Variants in SHROOM3 observed in about 807,000 individuals in gnomAD.
SHROOM3 encodes protein Shroom3.
A neutral mutation model predicts 138.6 loss-of-function variants in SHROOM3; 47 were observed. The ratio of observed to expected loss-of-function variants is 0.34; its 90% CI spans 0.27 to 0.43. SHROOM3 has a LOEUF of 0.43. SHROOM3 is among the 20% of genes least tolerant of loss of function. The pLI is 1.00. For missense variants in SHROOM3, 2,491 were observed against 2,596.5 expected (o/e 0.96, Z 0.88); for synonymous variants, 1,062 against 1,063.3 (o/e 1.00, Z 0.02).
At chr4:76,752,743 T>G (rs1423500314) in intron 6 of SHROOM3, among the ~76,000 whole-genome samples, 2 of 152,208 alleles carry the variant, frequency 1.3e-5, no homozygotes, top group African/African-American at 2.4e-5. Flanking sequence ...TAGTATAGTT[T>G]GTGTAAACTA....
chr4:76,463,945 C>G (rs1301785555), intron 1 of SHROOM3, among the ~76,000 whole-genome samples: 1 of 152,242 alleles, frequency 6.6e-6, no homozygotes, highest in East Asian at 1.9e-4. Flanking sequence ...GGGCGGAGCC[C>G]TTATGGAGAA....
intron 1 of SHROOM3, among the ~76,000 whole-genome samples, chr4:76,475,921 TC>T (rs1731476310): frequency 6.6e-6 from 1 of 152,206 alleles, no homozygotes; most frequent in South Asian, 2.1e-4. Context: ...TGTAATTAAT[TC>T]TCCTAGTGTT....
chr4:76,446,382 G>C (rs1730805819), intron 1 of SHROOM3, among the ~76,000 whole-genome samples: 1 of 151,278 alleles, frequency 6.6e-6, no homozygotes, highest in Non-Finnish European at 1.5e-5. Flanking sequence ...AGTCAACTTG[G>C]TGGCATCCTT....
chr4:76,585,186 C>G (rs1357005587), intron 2 of SHROOM3, among the ~76,000 whole-genome samples: 1 of 152,160 alleles, frequency 6.6e-6, no homozygotes, highest in East Asian at 1.9e-4. Flanking sequence ...ACTGTGAATT[C>G]AGAATTCTGT....
At chr4:76,642,539 C>T (rs1019029429) in intron 2 of SHROOM3, among the ~76,000 whole-genome samples, 1 of 152,122 alleles carries the variant, frequency 6.6e-6, no homozygotes. Flanking sequence ...TAGGAATGCT[C>T]TTGTGGTTCT....
chr4:76,482,384 A>G (rs1579184567), intron 1 of SHROOM3, among the ~76,000 whole-genome samples: 1 of 152,222 alleles, frequency 6.6e-6, no homozygotes, highest in East Asian at 1.9e-4. Flanking sequence ...GAGCCAAATC[A>G]TGAGCCAAAT....
Position 76,755,118 on chromosome 4 carries a change from C to A in SHROOM3, c.4635C>A (p.Asp1545Glu). ...AAACCCCGGTGTATAGCATGGATGA[C>A]TTCCCTCCACCTCCTCCCCACACTG... ...SQETPVYSMD[D>E]FPPPPPHTVC... The change falls in exon 7 of 11, where the codon GAC (aspartate) becomes GAA (glutamate). Residue 1545 changes from aspartate (D) to glutamate (E), a missense_variant. By Grantham distance (45) the Asp-to-Glu change is conservative. Transcript: ENST00000296043. 1 of 1,605,964 alleles carries A rather than the reference C, an allele frequency of 6.2e-7. No homozygotes were observed. Among genetic ancestry groups the A allele is most frequent in the Non-Finnish European group, 8.5e-7 (1 of 1,175,602 alleles).
At chr4:76,758,829 T>C (rs1721901900) in intron 8 of SHROOM3, among the ~76,000 whole-genome samples, 2 of 152,140 alleles carry the variant, frequency 1.3e-5, no homozygotes, top group South Asian at 2.1e-4. Context: ...CATAGAGTCA[T>C]TTATTCAGTG....
At chr4:76,516,492 A>G (rs1372010790) in intron 1 of SHROOM3, among the ~76,000 whole-genome samples, 1 of 151,874 alleles carries the variant, frequency 6.6e-6, no homozygotes, top group Non-Finnish European at 1.5e-5. Flanking sequence ...CTAAGCCCCT[A>G]CTCAGGAGCC....
At chr4:76,474,932 A>G (rs1731453458) in intron 1 of SHROOM3, among the ~76,000 whole-genome samples, 1 of 152,048 alleles carries the variant, frequency 6.6e-6, no homozygotes, top group African/African-American at 2.4e-5. Flanking sequence ...GGCTCAAAAA[A>G]AAAAAAATTT....
rs1734146543 is a variant in SHROOM3, at chr4:76,586,096, G to GGTT, written c.323+30335_323+30336insTGT. The GGTT allele has an allele frequency of 1.1e-5, 3 of 264,112 alleles. No individual in the cohort carries two copies. In the Admixed American group the frequency reaches 1.9e-4, roughly 17 times the overall value. 16.4% of individuals were successfully genotyped at this position (264,112 alleles called of 1,614,324 possible). ...CACGCCGGAGTCGGCGTGCCAGCGC[G>GGTT]GTGGAAACCGGTTCTCAGGTTCTGG... is the stretch of plus-strand genomic sequence containing the variant. On this transcript the variant is annotated intron_variant, in intron 2 of 10. Transcript: ENST00000296043.
chr4:76,739,413 C>A lies in SHROOM3; in HGVS notation c.1240C>A (p.Arg414=), dbSNP rs148120221. ...TAGCCTTGATCAGAAACGGCTCTGC[C>A]GGCCTCAGGCAAACTCTTTAGGCTC... is the stretch of plus-strand genomic sequence containing the variant. ...WSSLDQKRLC[R]PQANSLGSLK... The change falls in exon 5 of 11, where the codon CGG becomes AGG. Residue 414 remains arginine, a synonymous_variant. Coordinates refer to ENST00000296043, the MANE Select transcript of SHROOM3 (RefSeq NM_020859.4). 2 of 1,613,982 alleles carry A rather than the reference C, an allele frequency of 1.2e-6. No homozygotes were observed. Among genetic ancestry groups the A allele is most frequent in the Admixed American group, 1.7e-5 (1 of 60,012 alleles).
At chr4:76,450,026 T>C (rs768127310) in intron 1 of SHROOM3, among the ~76,000 whole-genome samples, 7 of 152,156 alleles carry the variant, frequency 4.6e-5, no homozygotes, top group Admixed American at 6.6e-5. Context: ...TATTTCATCA[T>C]AATGAGGGAG....
At chr4:76,631,375 T>C (rs545494215) in intron 2 of SHROOM3, among the ~76,000 whole-genome samples, 2 of 151,920 alleles carry the variant, frequency 1.3e-5, no homozygotes, top group African/African-American at 4.8e-5. Flanking sequence ...GCCCAGCTAA[T>C]TTTTTGTATT....
intron 2 of SHROOM3, among the ~76,000 whole-genome samples, chr4:76,616,591 T>C (rs1734885046): frequency 6.6e-6 from 1 of 152,174 alleles, no homozygotes; most frequent in South Asian, 2.1e-4. Context: ...AGACAAATAC[T>C]ATCTGATTCC....
Position 76,754,944 on chromosome 4 carries a change from C to G in SHROOM3, c.4461C>G (p.Leu1487=). 1 of 1,614,222 alleles carries G rather than the reference C, an allele frequency of 6.2e-7. No homozygotes were observed. The highest frequency in any genetic ancestry group is 8.5e-7 in the Non-Finnish European group (1 of 1,180,026). ...CGAGCACTCCAGGGAGGATCTCCCT[C>G]CGAATATCTGAGTCTGTCCTGCGGG... ...GAPSTPGRIS[L]RISESVLRDS... Residue 1487 remains leucine, a synonymous_variant, in exon 7 of 11, where the codon CTC becomes CTG. Transcript: ENST00000296043.
At chr4:76,640,575 T>C (rs1167110884) in intron 2 of SHROOM3, among the ~76,000 whole-genome samples, 2 of 152,234 alleles carry the variant, frequency 1.3e-5, no homozygotes, top group South Asian at 2.1e-4. Context: ...AGACTTGCTA[T>C]TGAGGGACCA....
At chr4:76,539,657 A>G (rs1214131682) in intron 1 of SHROOM3, among the ~76,000 whole-genome samples, 1 of 152,234 alleles carries the variant, frequency 6.6e-6, no homozygotes, top group East Asian at 1.9e-4. Flanking sequence ...TTTATCTCAC[A>G]GGAAGGGAAA....
At chr4:76,686,494 TTA>T (rs1489243075) in intron 2 of SHROOM3, among the ~76,000 whole-genome samples, 2 of 152,332 alleles carry the variant, frequency 1.3e-5, no homozygotes, top group African/African-American at 4.8e-5. Context: ...TGAAAATGTA[TTA>T]GACTTTAAAT....
Sources: allele counts gnomAD v4.1 joint callset (sites outside exome capture counted in the v4.1 genomes callset), GRCh38; gene constraint gnomAD v4.1.1; transcripts MANE v1.5; gene names NCBI Gene and HGNC (gene_info 2026-07-23, HGNC 2026-07-21).